ZFAND6: variants seen among roughly 807,000 people sequenced by gnomAD.
The protein encoded by ZFAND6 is zinc finger AN1-type containing 6.
Under a neutral mutation model 24.5 loss-of-function variants are expected in ZFAND6, and 12 were observed. The observed-to-expected ratio is 0.49, with a 90% CI of 0.31 to 0.79. ZFAND6 has a LOEUF of 0.79. ZFAND6 is among the 30% of genes least tolerant of loss of function. ZFAND6 has a pLI of 0.04. For missense variants in ZFAND6, 207 were observed against 245.9 expected (o/e 0.84, Z 1.06); for synonymous variants, 92 against 81.5 (o/e 1.13, Z -0.69).
At chr15:80,107,383 T>C (rs895853284) in intron 2 of ZFAND6, among the ~76,000 whole-genome samples, 1 of 152,146 alleles carries the variant, frequency 6.6e-6, no homozygotes, top group Non-Finnish European at 1.5e-5. Flanking sequence ...CTCCTTGTCA[T>C]ATAACGACAA....
chr15:80,101,796 T>C (rs948751253), intron 2 of ZFAND6, among the ~76,000 whole-genome samples: 6 of 146,830 alleles, frequency 4.1e-5, no homozygotes, highest in Non-Finnish European at 7.4e-5. Context: ...AAAGTGTTTT[T>C]TTTTTTTTTT....
chr15:80,136,388 G>A (rs1378001952), intron 6 of ZFAND6, among the ~76,000 whole-genome samples: 1 of 151,838 alleles, frequency 6.6e-6, no homozygotes, highest in Non-Finnish European at 1.5e-5. Flanking sequence ...TGGCTTGAAC[G>A]CAGGAGGCGG....
rs3082079 is a variant in ZFAND6, at chr15:80,099,618, C to CTTTTT, written c.-18+1052_-18+1056dup. 4.6e-5 allele frequency among the ~76,000 whole-genome samples: 5 copies of CTTTTT among 109,186 alleles called. 1 individual carries two copies. The highest frequency in any genetic ancestry group is 1.0e-4 in the African/African-American group (3 of 30,134). 71.6% of individuals were successfully genotyped at this position (109,186 alleles called of 152,430 possible). A position where few individuals can be genotyped will look rare whatever the true frequency, so the allele number is the denominator to read the frequency against. The stretch of plus-strand genomic sequence containing the variant: ...AGAATACACACTGAATATGGATATC[C>CTTTTT]TTTTTTTTTTTTTTTTCGAGACGGA... On this transcript the variant is annotated intron_variant, in intron 2 of 6. Transcript: ENST00000261749.
At chr15:80,087,507 A>C (rs899322226) in intron 1 of ZFAND6, among the ~76,000 whole-genome samples, 4 of 152,132 alleles carry the variant, frequency 2.6e-5, no homozygotes, top group African/African-American at 9.7e-5. Flanking sequence ...GTTTATTCTT[A>C]AGCTTTAAGC....
At chr15:80,070,469 G>A (rs2036911806) in intron 1 of ZFAND6, among the ~76,000 whole-genome samples, 1 of 152,130 alleles carries the variant, frequency 6.6e-6, no homozygotes. Context: ...TGTTTTTGCT[G>A]TTGTTTTCTG....
intron 2 of ZFAND6, among the ~76,000 whole-genome samples, chr15:80,102,832 T>C (rs1389470259): frequency 2.0e-5 from 3 of 152,174 alleles, no homozygotes; most frequent in Admixed American, 2.0e-4. Flanking sequence ...CTAAAAGAAA[T>C]CACTGTTTAC....
chr15:80,109,918 A>G (rs941891647), intron 2 of ZFAND6, among the ~76,000 whole-genome samples: 2 of 152,232 alleles, frequency 1.3e-5, no homozygotes, highest in African/African-American at 4.8e-5. Context: ...GTTTTGGCCC[A>G]GAGTGTTTCA....
chr15:80,127,589 CAAAAAAAAAAAAAAAA>C (rs55872915), intron 5 of ZFAND6, among the ~76,000 whole-genome samples: 1 of 120,074 alleles, frequency 8.3e-6, no homozygotes, highest in East Asian at 3.1e-4. Context: ...AACTCCATCT[CAAAAAAAAAAAAAAAA>C]AAAAAAAAAA....
chr15:80,092,630 A>G (rs1329351953), intron 1 of ZFAND6, among the ~76,000 whole-genome samples: 6 of 152,132 alleles, frequency 3.9e-5, no homozygotes, highest in Non-Finnish European at 8.8e-5. Flanking sequence ...AGTGTCTTAC[A>G]TTTTGTATCC....
chr15:80,085,362 A>G (rs1240767779), intron 1 of ZFAND6, among the ~76,000 whole-genome samples: 1 of 152,258 alleles, frequency 6.6e-6, no homozygotes, highest in Non-Finnish European at 1.5e-5. Flanking sequence ...TAGCTGGCAC[A>G]TAGGAAATGC....
At chr15:80,118,107 C>T (rs1278925568) in intron 2 of ZFAND6, among the ~76,000 whole-genome samples, 1 of 151,670 alleles carries the variant, frequency 6.6e-6, no homozygotes, top group Non-Finnish European at 1.5e-5. Context: ...CATAGAATCC[C>T]AGCTCCATCA....
intron 2 of ZFAND6, among the ~76,000 whole-genome samples, chr15:80,106,382 C>T (rs2039326261): frequency 6.6e-6 from 1 of 152,162 alleles, no homozygotes; most frequent in Non-Finnish European, 1.5e-5. Context: ...TGAAACACAG[C>T]CATTCCTATT....
chr15:80,117,836 A>G (rs559218160), intron 2 of ZFAND6, among the ~76,000 whole-genome samples: 1 of 138,340 alleles, frequency 7.2e-6, no homozygotes, highest in African/African-American at 2.8e-5. Flanking sequence ...ATAAGGCTTC[A>G]TCTATTTTTT....
At chr15:80,134,910 T>C (rs372704168) in intron 6 of ZFAND6, among the ~76,000 whole-genome samples, 13 of 152,236 alleles carry the variant, frequency 8.5e-5, no homozygotes, top group Non-Finnish European at 1.2e-4. Context: ...TTTGGTGATA[T>C]GAGAACTGAA....
intron 5 of ZFAND6, among the ~76,000 whole-genome samples, chr15:80,123,565 A>G (rs1414341744): frequency 6.6e-6 from 1 of 152,222 alleles, no homozygotes; most frequent in African/African-American, 2.4e-5. Context: ...TGTTCACATG[A>G]TGGTAACAGA....
At chr15:80,112,632 G>C (rs970897705) in intron 2 of ZFAND6, 1 of 373,784 alleles carries the variant, frequency 2.7e-6, no homozygotes, top group Non-Finnish European at 5.2e-6. Flanking sequence ...TCCTGACCTT[G>C]GGAGCTGCCT....
chr15:80,102,481 T>A (rs1002092835), intron 2 of ZFAND6, among the ~76,000 whole-genome samples: 38 of 152,324 alleles, frequency 2.5e-4, no homozygotes, highest in African/African-American at 8.9e-4. Context: ...TTGAAGTCTG[T>A]CAGTGACTGC....
intron 1 of ZFAND6, among the ~76,000 whole-genome samples, chr15:80,070,584 T>G (rs1304161070): frequency 1.3e-5 from 2 of 152,232 alleles, no homozygotes; most frequent in Non-Finnish European, 2.9e-5. Context: ...CCCAGAGATC[T>G]TAAAATGATC....
chr15:80,119,749 G>GT (rs1243638927), intron 2 of ZFAND6, among the ~76,000 whole-genome samples: 3 of 152,112 alleles, frequency 2.0e-5, no homozygotes, highest in Non-Finnish European at 4.4e-5. Flanking sequence ...AGCAATATTT[G>GT]TTTTTTACAG....
Sources: gnomAD v4.1 joint callset for allele counts (sites outside exome capture counted in the v4.1 genomes callset) on GRCh38, gnomAD v4.1.1 for gene constraint, MANE v1.5 for transcripts, NCBI Gene and HGNC (gene_info 2026-07-23, HGNC 2026-07-21) for gene names.